CLEC4A: variants seen among roughly 807,000 people sequenced by gnomAD.
CLEC4A encodes the protein C-type (calcium dependent, carbohydrate-recognition domain) lectin, superfamily member 6.
Under a neutral mutation model 32.7 loss-of-function variants are expected in CLEC4A, and 27 were observed. That is an observed-to-expected ratio of 0.83 (90% CI 0.61 to 1.14). The LOEUF is 1.14. Among genes scored for constraint, CLEC4A ranks in the 50% most tolerant of loss-of-function variants. The pLI is 0.00. For missense variants in CLEC4A, 253 were observed against 274.6 expected (o/e 0.92, Z 0.55); for synonymous variants, 89 against 93.7 (o/e 0.95, Z 0.29).
At chr12:8,134,212 A>C (rs1359530140) in intron 3 of CLEC4A, 4 of 1,611,354 alleles carry the variant, frequency 2.5e-6, no homozygotes, top group Non-Finnish European at 3.4e-6. Flanking sequence ...GAAGATTTTC[A>C]TTGTTGTCAG....
intron 3 of CLEC4A, chr12:8,134,031 G>C (rs1423393494): frequency 1.9e-6 from 3 of 1,601,488 alleles, no homozygotes; most frequent in South Asian, 2.2e-5. Flanking sequence ...AACCACACTC[G>C]GACCACATCC....
the CLEC4A span, among the ~76,000 whole-genome samples, chr12:8,115,783 C>CAT: frequency 0.022 from 3,303 of 151,718 alleles, 119 homozygotes; most frequent in African/African-American, 0.076. Context: ...ACATATATGT[C>CAT]ATATATATAT....
chr12:8,120,987 A>G (rs939447215), upstream of CLEC4A: 4 of 152,216 alleles, frequency 2.6e-5, no homozygotes, highest in African/African-American at 9.7e-5. Context: ...GGATGCTACT[A>G]CATGGTTCAG....
intron 3 of CLEC4A, among the ~76,000 whole-genome samples, chr12:8,131,868 T>C (rs868834604): frequency 6.6e-6 from 1 of 151,830 alleles, no homozygotes; most frequent in Non-Finnish European, 1.5e-5. Flanking sequence ...CTGGGGTACA[T>C]GTGCAGGATG....
At chr12:8,113,110 TC>T in the CLEC4A span, among the ~76,000 whole-genome samples, 1 of 98,292 alleles carries the variant, frequency 1.0e-5, no homozygotes, top group Non-Finnish European at 2.0e-5. Flanking sequence ...ATGCTATCCC[TC>T]CCCCCTCCCC....
the CLEC4A span, among the ~76,000 whole-genome samples, chr12:8,114,228 T>A: frequency 6.6e-6 from 1 of 152,184 alleles, no homozygotes; most frequent in African/African-American, 2.4e-5. Context: ...CTTGCATTAA[T>A]GTTTGAGCAA....
At chr12:8,107,071 T>C in the CLEC4A span, among the ~76,000 whole-genome samples, 1,224 of 152,238 alleles carry the variant, frequency 8.0e-3, 18 homozygotes, top group African/African-American at 0.028. Flanking sequence ...GTGTTGAGGG[T>C]TTTTAACATG....
the CLEC4A span, among the ~76,000 whole-genome samples, chr12:8,117,214 G>A: frequency 3.5e-5 from 5 of 142,650 alleles, no homozygotes; most frequent in East Asian, 1.0e-3. Context: ...TCTTTCCCTT[G>A]GGGTTGCTTG....
intron 2 of CLEC4A, 33 bp downstream of exon 2, chr12:8,125,710 C>G (rs1445193633): frequency 1.6e-6 from 2 of 1,259,840 alleles, no homozygotes; most frequent in Non-Finnish European, 2.3e-6. Context: ...TAAGCAATAT[C>G]TGCTGTCCAT....
At chr12:8,129,423 A>G (rs2120591715) in intron 3 of CLEC4A, 61 bp downstream of exon 3, 2 of 1,073,290 alleles carry the variant, frequency 1.9e-6, no homozygotes, top group Admixed American at 2.1e-5. Context: ...TCCCAAATCA[A>G]TATTTCCAGT....
Position 8,123,860 on chromosome 12 carries a change from CAGA to C in CLEC4A, c.-16_-14del. The C allele has an allele frequency of 6.4e-7, 1 of 1,558,290 alleles. No individual in the cohort carries two copies. Among genetic ancestry groups the C allele is most frequent in the South Asian group, 1.1e-5 (1 of 89,830 alleles). ...TCTGAAACAGATTTTCTGAAGAAAG[CAGA>C]AGCTCTCTTCCCATTATGACTTCGG... On this transcript the variant is annotated 5_prime_UTR_variant, in exon 1 of 6. Transcript: ENST00000229332.
At position 8,133,500 on chromosome 12, in the gene CLEC4A, A is replaced by AT. The variant is rs35915549; in HGVS notation, c.299-2071dup. Among the ~76,000 whole-genome samples, 673 of 138,196 alleles carry AT rather than the reference A, an allele frequency of 4.9e-3. 3 individuals carry two copies. The highest frequency in any genetic ancestry group is 0.014 in the African/African-American group (558 of 38,778). The allele number at this position is 138,196 out of a possible 152,430, so 90.7% of individuals were successfully genotyped here. On this transcript the variant is annotated intron_variant, in intron 3 of 5. Coordinates refer to ENST00000229332, the MANE Select transcript of CLEC4A (RefSeq NM_016184.4). ...TATATTATTCAATTATAAAATTTCC[A>AT]TTTTTTTTTTTTTTGTCTATCTACT...
At chr12:8,115,398 T>A in the CLEC4A span, among the ~76,000 whole-genome samples, 2 of 152,200 alleles carry the variant, frequency 1.3e-5, no homozygotes, top group Non-Finnish European at 2.9e-5. Context: ...AGCCTAAGAA[T>A]ATGCATTTCT....
intron 3 of CLEC4A, among the ~76,000 whole-genome samples, chr12:8,132,404 G>A (rs957003778): frequency 3.3e-5 from 5 of 152,094 alleles, no homozygotes; most frequent in African/African-American, 9.7e-5. Flanking sequence ...CCTTTGACTC[G>A]TGGATTATTT....
chr12:8,134,742 C>G (rs1434974110), intron 3 of CLEC4A: 3 of 1,561,852 alleles, frequency 1.9e-6, no homozygotes, highest in Non-Finnish European at 2.6e-6. Context: ...GCCTTGGAAG[C>G]TTAGCCAGGT....
chr12:8,117,182 T>C, the CLEC4A span, among the ~76,000 whole-genome samples: 1 of 152,154 alleles, frequency 6.6e-6, no homozygotes, highest in Admixed American at 6.5e-5. Context: ...GAAGCAACTA[T>C]TCTACTCTAC....
chr12:8,128,630 C>T (rs978310837), intron 2 of CLEC4A, among the ~76,000 whole-genome samples: 6 of 152,134 alleles, frequency 3.9e-5, no homozygotes, highest in African/African-American at 1.2e-4. Context: ...AGGCTAGTCT[C>T]GAACTCCTGA....
chr12:8,135,022 CAGATAA>C (rs1948085008), intron 3 of CLEC4A, among the ~76,000 whole-genome samples: 1 of 20,232 alleles, frequency 4.9e-5, no homozygotes, highest in Non-Finnish European at 1.0e-4. Flanking sequence ...AAATCTTTGT[CAGATAA>C]TTCTAACAAT....
intron 3 of CLEC4A, 59 bp downstream of exon 3, chr12:8,129,421 C>T (rs1591608398): frequency 9.2e-7 from 1 of 1,083,364 alleles, no homozygotes; most frequent in East Asian, 2.4e-5. Context: ...GATCCCAAAT[C>T]AATATTTCCA....
Sources: gnomAD v4.1 joint callset for allele counts (sites outside exome capture counted in the v4.1 genomes callset) on GRCh38, gnomAD v4.1.1 for gene constraint, MANE v1.5 for transcripts, NCBI Gene and HGNC (gene_info 2026-07-23, HGNC 2026-07-21) for gene names.